NAV2: variants seen among roughly 807,000 people sequenced by gnomAD.
NAV2 encodes neuron navigator 2.
Under a neutral mutation model 223.2 loss-of-function variants are expected in NAV2, and 54 were observed. The observed-to-expected ratio is 0.24, with a 90% CI of 0.19 to 0.30. NAV2 has a LOEUF of 0.30. NAV2 is among the 10% of genes least tolerant of loss of function. The pLI, the probability that NAV2 is intolerant of heterozygous loss-of-function variation, is 1.00. For synonymous variants in NAV2, 1,279 were observed against 1,239.3 expected (o/e 1.03, Z -0.67); for missense variants, 2,806 against 3,147.5 (o/e 0.89, Z 2.60).
At chr11:19,966,250 C>T (rs2048760664) in intron 10 of NAV2, among the ~76,000 whole-genome samples, 2 of 152,180 alleles carry the variant, frequency 1.3e-5, no homozygotes, top group South Asian at 4.1e-4. Context: ...TTGCTGTGGT[C>T]ATCTGTGGCG....
At chr11:20,079,608 GA>G (rs922237882) in intron 24 of NAV2, among the ~76,000 whole-genome samples, 3 of 152,200 alleles carry the variant, frequency 2.0e-5, no homozygotes, top group African/African-American at 7.2e-5. Flanking sequence ...AGAGTCAAGG[GA>G]AAAGAATATC....
intron 1 of NAV2, among the ~76,000 whole-genome samples, chr11:19,657,682 A>C (rs1429908065): frequency 6.6e-6 from 1 of 152,134 alleles, no homozygotes; most frequent in Non-Finnish European, 1.5e-5. Context: ...AGACTGTGCT[A>C]ATGTCCCTCA....
chr11:20,082,160 A>C (rs1736356323), intron 25 of NAV2, among the ~76,000 whole-genome samples: 1 of 152,162 alleles, frequency 6.6e-6, no homozygotes, highest in Non-Finnish European at 1.5e-5. Flanking sequence ...TCCTAAGTGG[A>C]TAGGTTAAGG....
At chr11:19,607,941 C>G (rs1033258367) in intron 1 of NAV2, among the ~76,000 whole-genome samples, 11 of 152,212 alleles carry the variant, frequency 7.2e-5, no homozygotes, top group Non-Finnish European at 1.0e-4. Flanking sequence ...ATCCCAAGAG[C>G]TACTGTGTAT....
At chr11:19,627,304 G>A (rs1213634842) in intron 1 of NAV2, among the ~76,000 whole-genome samples, 1 of 152,024 alleles carries the variant, frequency 6.6e-6, no homozygotes, top group Non-Finnish European at 1.5e-5. Flanking sequence ...AGGAGAAATT[G>A]CTTGAACCCA....
intron 4 of NAV2, among the ~76,000 whole-genome samples, chr11:19,876,192 A>AT (rs1222749979): frequency 6.6e-6 from 1 of 151,812 alleles, no homozygotes; most frequent in African/African-American, 2.4e-5. Context: ...CATCTGGCTA[A>AT]TTTTTTTGTA....
At chr11:19,913,752 C>A (rs1028186624) in intron 6 of NAV2, among the ~76,000 whole-genome samples, 4 of 139,938 alleles carry the variant, frequency 2.9e-5, no homozygotes, top group African/African-American at 1.3e-4. Context: ...ATTCCTCCAT[C>A]GCAGTGCTTC....
chr11:19,793,828 G>A (rs1476839379), intron 1 of NAV2, among the ~76,000 whole-genome samples: 6 of 152,116 alleles, frequency 3.9e-5, no homozygotes, highest in African/African-American at 7.2e-5. Flanking sequence ...AGCCACAGGC[G>A]CCCACCTCAG....
At chr11:19,454,360 C>T (rs1052255356) in intron 1 of NAV2, among the ~76,000 whole-genome samples, 5 of 152,144 alleles carry the variant, frequency 3.3e-5, no homozygotes, top group Non-Finnish European at 5.9e-5. Context: ...AAAAGTAGGT[C>T]CCCAAGGGGA....
At chr11:20,051,382 G>A (rs201047877) in intron 17 of NAV2, 49 bp downstream of exon 17, 32 of 1,581,168 alleles carry the variant, frequency 2.0e-5, no homozygotes, top group Middle Eastern at 1.7e-4. Flanking sequence ...TGGCTTTGGA[G>A]CTTGGCTGTG....
intron 6 of NAV2, among the ~76,000 whole-genome samples, chr11:19,917,062 A>T (rs149292017): frequency 6.6e-6 from 1 of 152,236 alleles, no homozygotes; most frequent in African/African-American, 2.4e-5. Context: ...GAAGCAGGCA[A>T]TGCTGGTGTA....
At chr11:19,929,169 C>T (rs1010207590) in intron 6 of NAV2, among the ~76,000 whole-genome samples, 18 of 152,132 alleles carry the variant, frequency 1.2e-4, no homozygotes, top group African/African-American at 4.1e-4. Context: ...TGGAGAATCA[C>T]TTCAGCCTGG....
intron 1 of NAV2, among the ~76,000 whole-genome samples, chr11:19,610,985 T>C (rs543772065): frequency 6.6e-6 from 1 of 152,326 alleles, no homozygotes; most frequent in South Asian, 2.1e-4. Context: ...GTTTTCATGC[T>C]GCTGATAAAG....
intron 5 of NAV2, among the ~76,000 whole-genome samples, chr11:19,880,871 A>G (rs1366181455): frequency 6.6e-6 from 1 of 152,232 alleles, no homozygotes; most frequent in Non-Finnish European, 1.5e-5. Context: ...AGACTTTAGG[A>G]ACTAGAGTTT....
chr11:20,022,592 A>G, intron 11 of NAV2: 1 of 986,068 alleles, frequency 1.0e-6, no homozygotes. Context: ...TCAGACGTCA[A>G]TGGAATGAGC....
At chr11:20,032,519 G>A (rs10833223) in intron 11 of NAV2, among the ~76,000 whole-genome samples, 32,322 of 152,108 alleles carry the variant, frequency 0.21, 3,589 homozygotes, top group Middle Eastern at 0.3. Context: ...TGCCAGCCAC[G>A]GTCCTCTCCC....
chr11:19,411,578 T>C lies in NAV2; in HGVS notation c.75+60551T>C, dbSNP rs1034114231. Among the ~76,000 whole-genome samples, 8 of 152,166 alleles carry C rather than the reference T, an allele frequency of 5.3e-5. No individual in the cohort carries two copies. In the East Asian group the frequency reaches 1.5e-3, roughly 29 times the overall value. On this transcript the variant is annotated intron_variant, in intron 1 of 37. Coordinates refer to the NAV2 transcript ENST00000360655. Reference sequence around the variant, plus strand: ...TCTCAATCTCAAGGTGCCCTGAGAATGTTCTAAGGGATAGGGATTGGGGAG... The same window carrying C: ...TCTCAATCTCAAGGTGCCCTGAGAACGTTCTAAGGGATAGGGATTGGGGAG...
At chr11:20,090,660 A>T (rs1239311180) in intron 26 of NAV2, among the ~76,000 whole-genome samples, 1 of 152,208 alleles carries the variant, frequency 6.6e-6, no homozygotes, top group Non-Finnish European at 1.5e-5. Flanking sequence ...AGTGGTCTAA[A>T]TAAACCAATT....
chr11:19,429,711 T>C (rs1410735340), intron 1 of NAV2, among the ~76,000 whole-genome samples: 1 of 152,186 alleles, frequency 6.6e-6, no homozygotes, highest in African/African-American at 2.4e-5. Context: ...ATTTTAGTTC[T>C]CAAAACACTT....
Sources: gnomAD v4.1 joint callset for allele counts (sites outside exome capture counted in the v4.1 genomes callset) on GRCh38, gnomAD v4.1.1 for gene constraint, MANE v1.5 for transcripts, NCBI Gene and HGNC (gene_info 2026-07-23, HGNC 2026-07-21) for gene names.